The following MTA3 variants were observed in gnomAD, a reference collection of about 807,000 sequenced individuals.
The protein encoded by MTA3 is metastasis associated 1 family member 3, also known as metastasis-associated protein MTA3.
In MTA3, 34 loss-of-function variants were observed where a neutral mutation model predicts 83.5. That is an observed-to-expected ratio of 0.41 (90% CI 0.31 to 0.54). MTA3 has a LOEUF of 0.54. Among genes scored for constraint, MTA3 ranks in the 20% least tolerant of loss-of-function variants. MTA3 has a pLI of 0.33. For missense variants in MTA3, 761 were observed against 726.4 expected, an observed-to-expected ratio of 1.05 and a Z score of -0.55; for synonymous variants, 303 against 252.7, an observed-to-expected ratio of 1.20 and a Z score of -1.89.
At chr2:42,743,689 G>A (rs111455208) in intron 16 of MTA3, among the ~76,000 whole-genome samples, 4,311 of 152,300 alleles carry the variant, frequency 0.028, 61 homozygotes, top group Non-Finnish European at 0.043. Flanking sequence ...ATGATCTGGA[G>A]TGTGAAGATT....
At chr2:42,538,861 G>A (rs1243278259) in intron 2 of MTA3, among the ~76,000 whole-genome samples, 5 of 145,538 alleles carry the variant, frequency 3.4e-5, no homozygotes, top group South Asian at 4.4e-4. Context: ...TGCAAGCTCC[G>A]CTTCCCGGGT....
At chr2:42,524,398 TC>T (rs1187550633) in intron 2 of MTA3, among the ~76,000 whole-genome samples, 2 of 151,544 alleles carry the variant, frequency 1.3e-5, no homozygotes, top group Admixed American at 1.3e-4. Flanking sequence ...CCTCCTGGGT[TC>T]ACGCCATTCT....
At chr2:42,526,322 C>G (rs1292542268) in intron 2 of MTA3, among the ~76,000 whole-genome samples, 1 of 152,200 alleles carries the variant, frequency 6.6e-6, no homozygotes, top group Non-Finnish European at 1.5e-5. Context: ...ATCTCAGCCT[C>G]CTGGGTAACT....
At chr2:42,745,286 T>A (rs1356793024) in intron 16 of MTA3, among the ~76,000 whole-genome samples, 2 of 152,244 alleles carry the variant, frequency 1.3e-5, no homozygotes, top group Non-Finnish European at 2.9e-5. Flanking sequence ...CTTTCCGTAA[T>A]GTTCTGATTC....
In MTA3 at chr2:42,704,186, A is replaced by G. The variant is rs933815619; in HGVS notation, c.1026-8A>G. On this transcript the variant is annotated splice_region_variant and splice_polypyrimidine_tract_variant and intron_variant, in intron 11 of 16. Transcript: ENST00000405094. ...CATTTTATCACCTTATTTTAATTTC[A>G]TTGAAAGCAGCAAACCAAATCCCAA... 1.2e-6 allele frequency: 2 copies of G among 1,613,236 alleles called. No homozygotes were observed. The highest frequency in any genetic ancestry group is 1.7e-6 in the Non-Finnish European group (2 of 1,179,522).
At chr2:42,566,472 C>G (rs1204060243), upstream of MTA3, among the ~76,000 whole-genome samples, 1 of 151,952 alleles carries the variant, frequency 6.6e-6, no homozygotes, top group Non-Finnish European at 1.5e-5. Context: ...ATGGAAGAGA[C>G]TAATATATAG....
rs147306098 is a variant in MTA3 at position 42,650,913 on chromosome 2, G to A, written c.500-5287G>A. Among the ~76,000 whole-genome samples, 1,063 of 152,210 alleles carry A rather than the reference G, an allele frequency of 7.0e-3. 3 individuals are homozygous for A. Among genetic ancestry groups the A allele is most frequent in the Admixed American group, 0.013 (198 of 15,274 alleles). On this transcript the variant is annotated intron_variant, in intron 6 of 16. Coordinates refer to ENST00000405094, the MANE Select transcript of MTA3 (RefSeq NM_001330442.2). ...TGTGGCCATGCATCACCTAATGACA[G>A]CAATACATTCTGATAAATGTGTCCT...
chr2:42,708,090 T>C, intron 13 of MTA3, 36 bp downstream of exon 13: 1 of 1,569,726 alleles, frequency 6.4e-7, no homozygotes, highest in Non-Finnish European at 8.6e-7. Flanking sequence ...AAATGGCATG[T>C]TTTTAAATGG....
chr2:42,700,559 G>A (rs1395674640), intron 11 of MTA3, among the ~76,000 whole-genome samples: 1 of 152,104 alleles, frequency 6.6e-6, no homozygotes, highest in East Asian at 1.9e-4. Flanking sequence ...CTGTACATTT[G>A]TATTAGCTCT....
At chr2:42,616,290 T>C (rs966193344) in intron 4 of MTA3, among the ~76,000 whole-genome samples, 1 of 151,898 alleles carries the variant, frequency 6.6e-6, no homozygotes, top group Non-Finnish European at 1.5e-5. Context: ...CTCGAACTCC[T>C]GACTTCAGGT....
At position 42,675,751 on chromosome 2, in the gene MTA3, A is replaced by G. The variant is rs554442994; in HGVS notation, c.703-6650A>G. 7.2e-5 allele frequency among the ~76,000 whole-genome samples: 11 copies of G among 152,212 alleles called. No homozygotes were observed. In the South Asian group the frequency reaches 1.2e-3, roughly 17 times the overall value. ...GTGTTATGTTACTGTGTCTTTTCCT[A>G]GCTTATTTTCTTTATTTACCCTACA... On this transcript the variant is annotated intron_variant, in intron 8 of 16. Coordinates refer to ENST00000405094, the MANE Select transcript of MTA3 (RefSeq NM_001330442.2).
intron 3 of MTA3, among the ~76,000 whole-genome samples, chr2:42,587,222 G>A (rs1047024806): frequency 2.0e-5 from 3 of 151,838 alleles, no homozygotes; most frequent in African/African-American, 7.3e-5. Context: ...AAAATAAAAC[G>A]TTAGTACAGA....
intron 8 of MTA3, among the ~76,000 whole-genome samples, chr2:42,663,904 T>C (rs933749600): frequency 2.0e-5 from 3 of 152,210 alleles, no homozygotes; most frequent in African/African-American, 2.4e-5. Flanking sequence ...TACTTTTGTA[T>C]CACATATATT....
At chr2:42,597,973 C>T (rs374429062) in intron 3 of MTA3, among the ~76,000 whole-genome samples, 63 of 152,270 alleles carry the variant, frequency 4.1e-4, no homozygotes, top group East Asian at 4.1e-3. Context: ...TGAGCCACTG[C>T]GCCTGGCCAA....
At chr2:42,559,492 A>G (rs1435728759) in intron 2 of MTA3, among the ~76,000 whole-genome samples, 2 of 148,564 alleles carry the variant, frequency 1.3e-5, no homozygotes, top group East Asian at 2.0e-4. Context: ...ACAGAGCGAG[A>G]CCTTGTCTCA....
intron 3 of MTA3, among the ~76,000 whole-genome samples, chr2:42,588,386 G>A (rs550461086): frequency 6.6e-6 from 1 of 152,172 alleles, no homozygotes; most frequent in East Asian, 1.9e-4. Context: ...CAAAGCTACC[G>A]AAATCTCTGC....
chr2:42,612,822 C>G (rs1031112753), intron 4 of MTA3, among the ~76,000 whole-genome samples: 2 of 152,060 alleles, frequency 1.3e-5, no homozygotes, highest in African/African-American at 4.8e-5. Flanking sequence ...GATCGCACTA[C>G]TGTACTCCAG....
chr2:42,546,562 C>T (rs1369766751), intron 2 of MTA3, among the ~76,000 whole-genome samples: 1 of 152,102 alleles, frequency 6.6e-6, no homozygotes, highest in Non-Finnish European at 1.5e-5. Flanking sequence ...TGCACTCCAT[C>T]TAGAGGCATT....
At chr2:42,699,104 G>A (rs940879963) in intron 11 of MTA3, among the ~76,000 whole-genome samples, 5 of 152,178 alleles carry the variant, frequency 3.3e-5, no homozygotes, top group African/African-American at 4.8e-5. Flanking sequence ...GCTTTACGCT[G>A]ACTTTGGAGT....
Sources: allele counts gnomAD v4.1 joint callset (sites outside exome capture counted in the v4.1 genomes callset), GRCh38; gene constraint gnomAD v4.1.1; transcripts MANE v1.5; gene names NCBI Gene and HGNC (gene_info 2026-07-23, HGNC 2026-07-21).